TRAK1: variants seen among roughly 807,000 people sequenced by gnomAD.
TRAK1 encodes trafficking kinesin protein 1.
Under a neutral mutation model 92.1 loss-of-function variants are expected in TRAK1, and 33 were observed. The observed-to-expected ratio is 0.36, with a 90% CI of 0.27 to 0.48. The LOEUF (loss-of-function observed/expected upper bound fraction) is 0.48. Among genes scored for constraint, TRAK1 ranks in the 20% least tolerant of loss-of-function variants. TRAK1 has a pLI of 0.99. For missense variants in TRAK1, 1,123 were observed against 1,257.9 expected, an observed-to-expected ratio of 0.89 and a Z score of 1.62; for synonymous variants, 521 against 517.3, an observed-to-expected ratio of 1.01 and a Z score of -0.10.
At chr3:42,210,498 A>G (rs1708900834) in intron 14 of TRAK1, 30 of 1,206,032 alleles carry the variant, frequency 2.5e-5, no homozygotes, top group Non-Finnish European at 2.9e-5. Flanking sequence ...TCTAAGGGGA[A>G]GATTCTCAAG....
intron 2 of TRAK1, among the ~76,000 whole-genome samples, chr3:42,158,571 CTTTTTTTTTTTTTT>C (rs10522929): frequency 6.8e-6 from 1 of 147,332 alleles, no homozygotes; most frequent in Non-Finnish European, 1.5e-5. Context: ...ATTTCTACAC[CTTTTTTTTTTTTTT>C]TTTTTTTGGC....
chr3:42,191,374 A>C (rs1705708609), intron 6 of TRAK1, among the ~76,000 whole-genome samples, 184 bp from the exon 7 acceptor site: 1 of 152,146 alleles, frequency 6.6e-6, no homozygotes, highest in Non-Finnish European at 1.5e-5. Context: ...TTGAGTGCAC[A>C]TCCATTATTA....
chr3:42,132,990 G>C (rs1378845325), intron 2 of TRAK1, among the ~76,000 whole-genome samples: 3 of 152,154 alleles, frequency 2.0e-5, no homozygotes, highest in Non-Finnish European at 4.4e-5. Context: ...TCTTCCTCCA[G>C]ATATATCCCA....
intron 7 of TRAK1, among the ~76,000 whole-genome samples, chr3:42,192,630 C>T (rs1361261713): frequency 6.6e-6 from 1 of 152,174 alleles, no homozygotes; most frequent in Non-Finnish European, 1.5e-5. Context: ...AAGGAAATTG[C>T]ACTGTGCAGT....
intron 2 of TRAK1, among the ~76,000 whole-genome samples, chr3:42,144,903 C>T (rs1699143011): frequency 6.6e-6 from 1 of 152,128 alleles, no homozygotes; most frequent in Non-Finnish European, 1.5e-5. Flanking sequence ...TAGTTGAACC[C>T]TGCTGAAGTA....
intron 1 of TRAK1, among the ~76,000 whole-genome samples, chr3:42,040,505 C>T (rs552840543): frequency 1.3e-5 from 2 of 152,288 alleles, no homozygotes; most frequent in East Asian, 1.9e-4. Context: ...TATTGTTTTA[C>T]ATATGGATAT....
At chr3:42,135,855 C>T (rs182162080) in intron 2 of TRAK1, among the ~76,000 whole-genome samples, 2 of 152,314 alleles carry the variant, frequency 1.3e-5, no homozygotes, top group East Asian at 1.9e-4. Context: ...GTGATGGCTA[C>T]GTTTCTCTCT....
chr3:42,168,952 T>C (rs1014383177), intron 2 of TRAK1, among the ~76,000 whole-genome samples: 1 of 152,180 alleles, frequency 6.6e-6, no homozygotes, highest in Non-Finnish European at 1.5e-5. Flanking sequence ...GCCTCCCAAG[T>C]AGCTGCGATT....
At chr3:42,179,036 C>G (rs1245768076) in intron 3 of TRAK1, among the ~76,000 whole-genome samples, 1 of 152,156 alleles carries the variant, frequency 6.6e-6, no homozygotes, top group African/African-American at 2.4e-5. Flanking sequence ...ATTTGAATCT[C>G]TCACATTTTT....
At chr3:42,131,699 C>T (rs753438329) in intron 2 of TRAK1, among the ~76,000 whole-genome samples, 7 of 151,312 alleles carry the variant, frequency 4.6e-5, no homozygotes, top group African/African-American at 9.7e-5. Context: ...GCCTGGGTGA[C>T]AGAGTGAGAC....
intron 1 of TRAK1, among the ~76,000 whole-genome samples, chr3:42,124,916 C>T (rs1033850585): frequency 2.6e-5 from 4 of 152,034 alleles, no homozygotes; most frequent in Non-Finnish European, 4.4e-5. Context: ...GCCCGTGGTA[C>T]TCAGGATTCA....
chr3:42,185,380 C>T (rs542919609), intron 4 of TRAK1, among the ~76,000 whole-genome samples: 1 of 152,274 alleles, frequency 6.6e-6, no homozygotes, highest in South Asian at 2.1e-4. Flanking sequence ...CCTCTTATTT[C>T]CATGATATAA....
intron 2 of TRAK1, among the ~76,000 whole-genome samples, chr3:42,174,862 C>T (rs941643730): frequency 1.3e-5 from 2 of 151,674 alleles, no homozygotes; most frequent in Non-Finnish European, 2.9e-5. Context: ...CCACCTCACC[C>T]GGCCCCCTCT....
chr3:42,207,416 C>CT (rs952883273), intron 13 of TRAK1, among the ~76,000 whole-genome samples: 12 of 152,148 alleles, frequency 7.9e-5, no homozygotes, highest in Admixed American at 2.0e-4. Context: ...TGATGTCCTT[C>CT]TTGTTCTCAG....
intron 1 of TRAK1, among the ~76,000 whole-genome samples, chr3:42,029,327 C>T (rs929641462): frequency 2.6e-5 from 4 of 152,196 alleles, no homozygotes; most frequent in African/African-American, 9.6e-5. Flanking sequence ...GAGCATCAAC[C>T]TTCTGGGCTT....
At chr3:42,093,335 A>G (rs1705374738) in intron 1 of TRAK1, among the ~76,000 whole-genome samples, 1 of 152,132 alleles carries the variant, frequency 6.6e-6, no homozygotes, top group Non-Finnish European at 1.5e-5. Context: ...TTGCAAAACC[A>G]CAGAAACATT....
chr3:42,143,308 C>CTTTTTTTT (rs369435084), intron 2 of TRAK1, among the ~76,000 whole-genome samples: 1 of 139,256 alleles, frequency 7.2e-6, no homozygotes, highest in Non-Finnish European at 1.5e-5. Flanking sequence ...TGTACCTCTT[C>CTTTTTTTT]TTTTTTTTTT....
At chr3:42,170,581 G>A (rs576528126) in intron 2 of TRAK1, among the ~76,000 whole-genome samples, 110 of 152,274 alleles carry the variant, frequency 7.2e-4, no homozygotes, top group Non-Finnish European at 1.4e-3. Context: ...CTAGGGATAC[G>A]TGTCTACTTT....
intron 1 of TRAK1, among the ~76,000 whole-genome samples, chr3:42,034,246 A>C (rs1311076800): frequency 6.6e-6 from 1 of 152,170 alleles, no homozygotes; most frequent in African/African-American, 2.4e-5. Context: ...TCACCTATCA[A>C]TCCAGCATGG....
Sources: gnomAD v4.1 joint callset for allele counts (sites outside exome capture counted in the v4.1 genomes callset) on GRCh38, gnomAD v4.1.1 for gene constraint, MANE v1.5 for transcripts, NCBI Gene and HGNC (gene_info 2026-07-23, HGNC 2026-07-21) for gene names.